ARAP2: variants seen among roughly 807,000 people sequenced by gnomAD.
ARAP2 encodes arf-GAP with Rho-GAP domain, ANK repeat and PH domain-containing protein 2.
In ARAP2, 148 loss-of-function variants were observed where a neutral mutation model predicts 194.5. The observed-to-expected ratio is 0.76, with a 90% CI of 0.67 to 0.87. The LOEUF is 0.87. Among genes scored for constraint, ARAP2 ranks in the 40% least tolerant of loss-of-function variants. ARAP2 has a pLI of 0.00. For missense variants in ARAP2, 2,128 were observed against 1,989.7 expected (o/e 1.07, Z -1.32); for synonymous variants, 695 against 683.5 (o/e 1.02, Z -0.26).
chr4:36,182,214 C>T (rs1056316091), intron 8 of ARAP2, among the ~76,000 whole-genome samples: 3 of 152,108 alleles, frequency 2.0e-5, no homozygotes, highest in African/African-American at 7.2e-5. Flanking sequence ...AGAAACTGGC[C>T]GGGCATGGTG....
Position 36,083,418 on chromosome 4 carries a change from A to C in ARAP2, c.4458T>G (p.Ser1486Arg). The change falls in exon 29 of 33, where the codon AGT becomes AGG. Residue 1486 changes from serine (S) to arginine (R), a missense_variant. Physicochemically the swap from Ser to Arg is moderately radical, Grantham distance 110 (BLOSUM62 -1). Transcript: ENST00000303965. Reference protein sequence around the residue: ...SSKHDKMFSLSSMKFYRGVKK... With the variant: ...SSKHDKMFSLRSMKFYRGVKK... ...TCACTCCACGATAAAACTTCATGGA[A>C]CTGAGAGAAAACATCTTGTCATGTT... The C allele has an allele frequency of 1.2e-6, 2 of 1,607,518 alleles. No individual in the cohort carries two copies. Among genetic ancestry groups the C allele is most frequent in the Non-Finnish European group, 1.7e-6 (2 of 1,177,550 alleles).
At chr4:36,165,346 T>C (rs1200872385) in intron 10 of ARAP2, among the ~76,000 whole-genome samples, 3 of 152,202 alleles carry the variant, frequency 2.0e-5, no homozygotes, top group South Asian at 2.1e-4. Context: ...AAAATTAACA[T>C]ACACATTTTC....
chr4:36,212,757 G>T (rs1481186762), intron 4 of ARAP2, among the ~76,000 whole-genome samples: 1 of 151,448 alleles, frequency 6.6e-6, no homozygotes, highest in Non-Finnish European at 1.5e-5. Context: ...TAAAATTTAT[G>T]TACTTTTACT....
At chr4:36,129,604 ATC>A (rs1724906151) in intron 20 of ARAP2, among the ~76,000 whole-genome samples, 1 of 151,754 alleles carries the variant, frequency 6.6e-6, no homozygotes. Context: ...ATAATTTCAT[ATC>A]TCTTTTTTCT....
chr4:36,205,467 T>C lies in ARAP2; in HGVS notation c.1487+4923A>G, dbSNP rs142715528. 3.5e-3 allele frequency among the ~76,000 whole-genome samples: 536 copies of C among 152,284 alleles called. 2 individuals are homozygous for C. Among genetic ancestry groups the C allele is most frequent in the Middle Eastern group, 0.014 (4 of 294 alleles). On this transcript the variant is annotated intron_variant, in intron 6 of 32. Coordinates refer to ENST00000303965, the MANE Select transcript of ARAP2 (RefSeq NM_015230.4). ...CTGACATTTAAACTATGTGCTTTTATAACAATCAAAAAAAATGAATTCTGA... is the reference window on the plus strand; with the variant it reads ...CTGACATTTAAACTATGTGCTTTTACAACAATCAAAAAAAATGAATTCTGA...
intron 9 of ARAP2, among the ~76,000 whole-genome samples, chr4:36,167,825 A>C (rs1185366059): frequency 6.6e-6 from 1 of 152,196 alleles, no homozygotes; most frequent in Non-Finnish European, 1.5e-5. Flanking sequence ...TTCTAAAAGC[A>C]TTAAAGTTTG....
At chr4:36,235,916 C>A (rs1365571648) in intron 1 of ARAP2, among the ~76,000 whole-genome samples, 2 of 152,094 alleles carry the variant, frequency 1.3e-5, no homozygotes, top group Non-Finnish European at 2.9e-5. Flanking sequence ...GTGGCTCATG[C>A]CTGTAATTGC....
intron 13 of ARAP2, 57 bp from the exon 14 acceptor site, chr4:36,159,562 A>C: frequency 7.5e-7 from 1 of 1,334,520 alleles, no homozygotes. Flanking sequence ...TCTAGCTATT[A>C]AAATGAGTGA....
rs200776796 is a variant in ARAP2 at position 36,128,764 on chromosome 4, AG to A, written c.3428-20del. On this transcript the variant is annotated intron_variant, in intron 20 of 32. Transcript: ENST00000303965. ...CCTAAACCTTTGTTTAAAAAAAAAA[AG>A]TTATACTTTAAAAGTCTAAATTCAA... 112 of 1,338,842 alleles carry A rather than the reference AG, an allele frequency of 8.4e-5. 1 individual carries two copies. The African/African-American group carries it at 1.1e-3, about 13-fold the overall frequency. The allele number at this position is 1,338,842 out of a possible 1,614,324, so 82.9% of individuals were successfully genotyped here.
At chr4:36,157,554 T>C (rs1425738812) in intron 15 of ARAP2, 3 of 152,238 alleles carry the variant, frequency 2.0e-5, no homozygotes, top group Non-Finnish European at 4.4e-5. Flanking sequence ...AGTGCTCCTG[T>C]AACAATGATA....
intron 7 of ARAP2, among the ~76,000 whole-genome samples, chr4:36,192,091 C>G (rs1006677163): frequency 2.0e-5 from 3 of 151,662 alleles, no homozygotes; most frequent in Admixed American, 1.3e-4. Flanking sequence ...TATGGCCACA[C>G]CTATGCATCC....
intron 6 of ARAP2, among the ~76,000 whole-genome samples, chr4:36,018,701 A>G (rs534273548): frequency 3.9e-5 from 6 of 152,296 alleles, no homozygotes; most frequent in Admixed American, 3.9e-4. Context: ...AGCTGAGCAT[A>G]TACTTCCTAA....
chr4:36,228,845 A>G lies in ARAP2; in HGVS notation c.642T>C (p.Ser214=), dbSNP rs546545701. ...ENLSKLPNAD[S]ECLSFVGCST... is the part of the protein sequence containing the mutation. ...AACAGCCAACAAAAGAAAGGCATTC[A>G]GAGTCTGCATTAGGGAGCTTACTGA... Residue 214 remains serine, a synonymous_variant, in exon 2 of 33, where the codon TCT becomes TCC. Coordinates refer to ENST00000303965, the MANE Select transcript of ARAP2 (RefSeq NM_015230.4). 9.9e-6 allele frequency: 16 copies of G among 1,614,208 alleles called. No individual in the cohort carries two copies. Among genetic ancestry groups the G allele is most frequent in the South Asian group, 2.2e-5 (2 of 91,082 alleles).
At chr4:36,141,761 C>G (rs1263636123) in intron 19 of ARAP2, among the ~76,000 whole-genome samples, 1 of 151,646 alleles carries the variant, frequency 6.6e-6, no homozygotes, top group Non-Finnish European at 1.5e-5. Context: ...AAGGTTCAAG[C>G]TTATAGCTGG....
intron 5 of ARAP2, among the ~76,000 whole-genome samples, chr4:36,034,609 CTCT>C (rs1719596885): frequency 6.6e-6 from 1 of 151,926 alleles, no homozygotes; most frequent in African/African-American, 2.4e-5. Flanking sequence ...TTAGACTTCT[CTCT>C]TCTTATTTGC....
At chr4:36,082,217 T>C (rs780319283) in intron 30 of ARAP2, 34 bp downstream of exon 30, 1 of 1,586,554 alleles carries the variant, frequency 6.3e-7, no homozygotes, top group Non-Finnish European at 8.6e-7. Context: ...GTCACCAATA[T>C]ATTATGTCCA....
At chr4:36,241,405 A>G (rs1753478539) in intron 1 of ARAP2, among the ~76,000 whole-genome samples, 1 of 152,172 alleles carries the variant, frequency 6.6e-6, no homozygotes, top group Admixed American at 6.5e-5. Flanking sequence ...CCATTTTTTA[A>G]CATGTATTCA....
intron 5 of ARAP2, among the ~76,000 whole-genome samples, chr4:36,023,283 G>A (rs755329146): frequency 2.6e-5 from 4 of 152,144 alleles, no homozygotes; most frequent in Non-Finnish European, 5.9e-5. Context: ...TGGAATGGAC[G>A]AGATGAATCA....
chr4:36,213,777 C>T (rs959097190), intron 3 of ARAP2, among the ~76,000 whole-genome samples: 2 of 151,842 alleles, frequency 1.3e-5, no homozygotes, highest in African/African-American at 2.4e-5. Flanking sequence ...ACTTAAAATC[C>T]CAGAAGGCAT....
Sources: allele counts gnomAD v4.1 joint callset (sites outside exome capture counted in the v4.1 genomes callset), GRCh38; gene constraint gnomAD v4.1.1; transcripts MANE v1.5; gene names NCBI Gene and HGNC (gene_info 2026-07-23, HGNC 2026-07-21).